The following NELL1 variants were observed in gnomAD, a reference collection of about 807,000 sequenced individuals.
The protein encoded by NELL1 is protein kinase C-binding protein NELL1.
A neutral mutation model predicts 107.4 loss-of-function variants in NELL1; 76 were observed. The ratio of observed to expected loss-of-function variants is 0.71; its 90% CI spans 0.59 to 0.86. NELL1 has a LOEUF of 0.86. NELL1 is among the 40% of genes least tolerant of loss of function. NELL1 has a pLI of 0.00. For synonymous variants in NELL1, 353 were observed against 341.2 expected (o/e 1.03, Z -0.38); for missense variants, 1,024 against 1,005.5 (o/e 1.02, Z -0.25).
intron 13 of NELL1, among the ~76,000 whole-genome samples, chr11:21,210,096 A>C (rs913419737): frequency 6.6e-6 from 1 of 152,182 alleles, no homozygotes; most frequent in Non-Finnish European, 1.5e-5. Context: ...ATAGTATTCA[A>C]TTGCATGGAT....
chr11:21,230,516 G>A (rs1052567700), intron 14 of NELL1, among the ~76,000 whole-genome samples: 1 of 152,122 alleles, frequency 6.6e-6, no homozygotes, highest in African/African-American at 2.4e-5. Flanking sequence ...ACATGAACAA[G>A]AAAACAAAAG....
At chr11:20,811,594 T>C (rs1857503009) in intron 3 of NELL1, among the ~76,000 whole-genome samples, 1 of 152,164 alleles carries the variant, frequency 6.6e-6, no homozygotes, top group Admixed American at 6.5e-5. Context: ...TCCATTTTTT[T>C]GTGTCCTTTT....
intron 14 of NELL1, among the ~76,000 whole-genome samples, chr11:21,313,653 A>C (rs960405046): frequency 3.3e-5 from 5 of 152,250 alleles, no homozygotes; most frequent in Non-Finnish European, 5.9e-5. Context: ...GCATCTGGTG[A>C]GGGCCTTCTT....
chr11:20,701,823 G>A (rs9651576), intron 2 of NELL1, among the ~76,000 whole-genome samples: 67,470 of 151,720 alleles, frequency 0.44, 16,629 homozygotes, highest in Middle Eastern at 0.61. Context: ...GGTTGTAGAT[G>A]TGCGGTATTA....
At chr11:20,933,965 C>T (rs1223040222) in intron 9 of NELL1, among the ~76,000 whole-genome samples, 1 of 152,146 alleles carries the variant, frequency 6.6e-6, no homozygotes. Flanking sequence ...TTCTAGTTTG[C>T]ATGTCACCAG....
intron 14 of NELL1, among the ~76,000 whole-genome samples, chr11:21,232,159 A>AAATATATAT (rs1554985116): frequency 3.1e-4 from 23 of 73,176 alleles, no homozygotes; most frequent in South Asian, 1.9e-3. Flanking sequence ...AAAAAAAAAA[A>AAATATATAT]ATATATATAT....
At chr11:20,994,347 A>C (rs981768997) in intron 12 of NELL1, among the ~76,000 whole-genome samples, 6 of 152,248 alleles carry the variant, frequency 3.9e-5, no homozygotes, top group Non-Finnish European at 5.9e-5. Context: ...AATTTGATGA[A>C]TCTTATGTTA....
intron 12 of NELL1, among the ~76,000 whole-genome samples, chr11:21,064,090 G>A (rs1176899534): frequency 3.3e-5 from 5 of 152,098 alleles, no homozygotes; most frequent in South Asian, 2.1e-4. Flanking sequence ...AGGGCTGAAG[G>A]CAGGTATGTT....
chr11:20,890,232 A>T (rs556559650), intron 5 of NELL1, among the ~76,000 whole-genome samples: 9 of 152,184 alleles, frequency 5.9e-5, no homozygotes, highest in African/African-American at 2.2e-4. Context: ...CCTGAAGTGA[A>T]TCCCCAGCAA....
At chr11:20,934,088 C>G (rs1850673703) in intron 9 of NELL1, among the ~76,000 whole-genome samples, 1 of 152,094 alleles carries the variant, frequency 6.6e-6, no homozygotes, top group South Asian at 2.1e-4. Flanking sequence ...TCACCTTATG[C>G]TTGAATTTCC....
chr11:20,929,928 C>T lies in NELL1; in HGVS notation c.997+1449C>T, dbSNP rs576510535. On this transcript the variant is annotated intron_variant, in intron 9 of 19. Coordinates refer to ENST00000357134, the MANE Select transcript of NELL1 (RefSeq NM_006157.5). ...CAGAGGTTGCAGTGAGCTGAGATCGCGCCACTGCACTCCAGCCTGGGCAAC... is the reference window on the plus strand; with the variant it reads ...CAGAGGTTGCAGTGAGCTGAGATCGTGCCACTGCACTCCAGCCTGGGCAAC... 4.7e-4 allele frequency among the ~76,000 whole-genome samples: 70 copies of T among 149,168 alleles called. 1 individual carries two copies. Among genetic ancestry groups the T allele is most frequent in the South Asian group, 3.6e-3 (17 of 4,698 alleles).
rs1047220702 is a variant in NELL1, at chr11:21,534,283, T to C, written c.1646-91T>C. On this transcript the variant is annotated intron_variant, in intron 15 of 19. Coordinates refer to ENST00000357134, the MANE Select transcript of NELL1 (RefSeq NM_006157.5). ...GGTGACTAAACAGTTTTAATTGATATGTTGACATGAGCATGTTTTAGGCAT... is the reference window on the plus strand; with the variant it reads ...GGTGACTAAACAGTTTTAATTGATACGTTGACATGAGCATGTTTTAGGCAT... The C allele has an allele frequency of 4.9e-6, 7 of 1,432,534 alleles. No individual in the cohort carries two copies. In the African/African-American group the frequency reaches 5.6e-5, roughly 11 times the overall value. 88.7% of individuals were successfully genotyped at this position (1,432,534 alleles called of 1,614,324 possible). A position where few individuals can be genotyped will look rare whatever the true frequency, so the allele number is the denominator to read the frequency against.
intron 15 of NELL1, among the ~76,000 whole-genome samples, chr11:21,445,078 AT>A (rs532747129): frequency 1.7e-3 from 255 of 152,140 alleles, no homozygotes; most frequent in African/African-American, 5.7e-3. Flanking sequence ...TTGTCTCCCC[AT>A]TTTTTAACGT....
At chr11:20,706,494 A>G (rs1474993065) in intron 2 of NELL1, among the ~76,000 whole-genome samples, 1 of 138,996 alleles carries the variant, frequency 7.2e-6, no homozygotes, top group Non-Finnish European at 1.5e-5. Context: ...CAGGAAGGGG[A>G]ACATCACACA....
At chr11:21,385,727 G>T (rs1851730529) in intron 15 of NELL1, among the ~76,000 whole-genome samples, 1 of 151,924 alleles carries the variant, frequency 6.6e-6, no homozygotes, top group African/African-American at 2.4e-5. Context: ...ATGGTTTCCA[G>T]TGCTTTCATT....
intron 13 of NELL1, chr11:21,169,737 G>T: frequency 1.1e-6 from 1 of 900,254 alleles, no homozygotes; most frequent in South Asian, 1.7e-5. Context: ...GTAGTCATGT[G>T]ACCAGTCTGA....
chr11:21,461,215 G>A (rs16908116), intron 15 of NELL1, among the ~76,000 whole-genome samples: 8,985 of 152,058 alleles, frequency 0.059, 563 homozygotes, highest in East Asian at 0.17. Context: ...TAGGAGAAGC[G>A]CTCAGTGATA....
intron 15 of NELL1, among the ~76,000 whole-genome samples, chr11:21,497,795 A>G (rs1225611597): frequency 2.0e-5 from 3 of 152,040 alleles, no homozygotes; most frequent in Admixed American, 2.0e-4. Context: ...GTCAGATTCT[A>G]CTTGAATTCA....
At chr11:21,068,032 C>CA (rs1195285619) in intron 12 of NELL1, among the ~76,000 whole-genome samples, 16,839 of 39,934 alleles carry the variant, frequency 0.42, 5,935 homozygotes, top group Middle Eastern at 0.57. Flanking sequence ...GATGCCATCT[C>CA]AAAAAAAAAA....
Sources: gnomAD v4.1 joint callset for allele counts (sites outside exome capture counted in the v4.1 genomes callset) on GRCh38, gnomAD v4.1.1 for gene constraint, MANE v1.5 for transcripts, NCBI Gene and HGNC (gene_info 2026-07-23, HGNC 2026-07-21) for gene names.